MFSD12: variants seen among roughly 807,000 people sequenced by gnomAD.
MFSD12 encodes the protein major facilitator superfamily domain-containing protein 12.
A neutral mutation model predicts 51.2 loss-of-function variants in MFSD12; 67 were observed. The observed-to-expected ratio is 1.31, with a 90% CI of 1.08 to 1.60. The LOEUF is 1.60. Ranked by LOEUF, MFSD12 falls within the 40% of genes most tolerant of loss-of-function variation. MFSD12 has a pLI of 0.00. For missense variants in MFSD12, 921 were observed against 673.0 expected, an observed-to-expected ratio of 1.37 and a Z score of -4.08; for synonymous variants, 441 against 316.7, an observed-to-expected ratio of 1.39 and a Z score of -4.17.
Position 3,544,879 on chromosome 19 carries a change from C to T in MFSD12, c.1350G>A (p.Thr450=), listed in dbSNP as rs373903338. ...GGGCAGCGGCCACGCCCACGCCGCC[C>T]GTCACAGCCACCATCGCCCAGTGGT... ...SFYHWAMVAV[T]GGVGVAAALC... The change falls in exon 9 of 10, where the codon ACG becomes ACA. Residue 450 remains threonine, a synonymous_variant. Transcript: ENST00000355415. 4.0e-5 allele frequency: 65 copies of T among 1,611,696 alleles called. No individual in the cohort carries two copies. The highest frequency in any genetic ancestry group is 2.0e-4 in the East Asian group (9 of 44,858).
rs565980507 is a variant in MFSD12 at position 3,538,662 on chromosome 19, G to A, written c.*100C>T. The A allele has an allele frequency of 2.0e-3, 928 of 472,408 alleles. 6 individuals carry two copies. Among genetic ancestry groups the A allele is most frequent in the African/African-American group, 0.013 (655 of 50,244 alleles). The allele number at this position is 472,408 out of a possible 1,614,324, so 29.3% of individuals were successfully genotyped here. ...CTCGTTCCAGCACGGTGGCGGCGCC[G>A]TGCTGATCCCCTCACCTTCACTGGG... On this transcript the variant is annotated 3_prime_UTR_variant, in exon 5 of 5. Coordinates refer to the MFSD12 transcript ENST00000398558.
Position 3,546,536 on chromosome 19 carries a change from G to A in MFSD12, c.1024-111C>T, listed in dbSNP as rs1374138252. On this transcript the variant is annotated intron_variant, in intron 6 of 9. Coordinates refer to ENST00000355415, the MANE Select transcript of MFSD12 (RefSeq NM_174983.5). ...CAGCAAACAAGGCATGAGCTGGATGGTCCCTAAGGAGCCCTGGCTCTGGCC... is the reference window on the plus strand; with the variant it reads ...CAGCAAACAAGGCATGAGCTGGATGATCCCTAAGGAGCCCTGGCTCTGGCC... 1.5e-5 allele frequency: 19 copies of A among 1,293,406 alleles called. No individual in the cohort carries two copies. In the East Asian group the frequency reaches 2.0e-4, roughly 14 times the overall value. The allele number at this position is 1,293,406 out of a possible 1,614,324, so 80.1% of individuals were successfully genotyped here. A position where few individuals can be genotyped will look rare whatever the true frequency, so the allele number is the denominator to read the frequency against.
chr19:3,550,827 T>A (rs1324736700), intron 2 of MFSD12, among the ~76,000 whole-genome samples, 157 bp downstream of exon 2: 1 of 152,162 alleles, frequency 6.6e-6, no homozygotes, highest in East Asian at 1.9e-4. Context: ...CACTCCAGCC[T>A]GGGCAACAGA....
At position 3,551,107 on chromosome 19, in the gene MFSD12, A is replaced by T. The variant is rs2031451320; in HGVS notation, c.386T>A (p.Leu129His). ...GAATPEWAAL[L>H]YYGPFIVIFQ... ...GATCACGATGAACGGGCCGTAGTAG[A>T]GGAGGGCAGCCCACTCGGGCGTGGC... The change falls in exon 2 of 10, where the codon CTC (leucine) becomes CAC (histidine). Residue 129 changes from leucine to histidine, a missense_variant. Leu to His is a moderately conservative substitution (Grantham distance 99, BLOSUM62 -3). Coordinates refer to ENST00000355415, the MANE Select transcript of MFSD12 (RefSeq NM_174983.5). This position sits in a 1 kb window ranked among gnomAD's most constrained non-coding sequence, Gnocchi z 4.6. 6.2e-7 allele frequency: 1 copy of T among 1,613,040 alleles called. No homozygotes were observed. Among genetic ancestry groups the T allele is most frequent in the Non-Finnish European group, 8.5e-7 (1 of 1,180,010 alleles).
downstream of MFSD12, chr19:3,543,594 C>T (rs1222005323): frequency 1.3e-6 from 2 of 1,544,496 alleles, no homozygotes; most frequent in Non-Finnish European, 1.7e-6. Flanking sequence ...TGGCATGACC[C>T]CATCGTCCCT....
chr19:3,539,490 G>A (rs7253540), downstream of MFSD12: 96,079 of 530,552 alleles, frequency 0.18, 11,103 homozygotes, highest in African/African-American at 0.42. Flanking sequence ...GTCTGCGGCC[G>A]TCTCCAAGGA....
chr19:3,546,065 G>A lies in MFSD12; in HGVS notation c.1289+9C>T, dbSNP rs199645558. 1,396 of 1,612,636 alleles carry A rather than the reference G, an allele frequency of 8.7e-4. 4 individuals are homozygous for A. Among genetic ancestry groups the A allele is most frequent in the African/African-American group, 1.3e-3 (101 of 75,038 alleles). ...ACAAAAGAATGAATGAACGAACAGCGGCACTCACGGGCAAGGGTGCAGGCT... is the reference window on the plus strand; with the variant it reads ...ACAAAAGAATGAATGAACGAACAGCAGCACTCACGGGCAAGGGTGCAGGCT... On this transcript the variant is annotated intron_variant, in intron 8 of 9. Transcript: ENST00000355415.
downstream of MFSD12, chr19:3,539,870 A>G (rs1391513945): frequency 6.6e-6 from 1 of 152,386 alleles, no homozygotes; most frequent in Non-Finnish European, 1.5e-5. Context: ...AGTGTCTATT[A>G]TCAATTGTTT....
At chr19:3,543,617 G>GC (rs937756023), downstream of MFSD12, 2 of 1,544,688 alleles carry the variant, frequency 1.3e-6, no homozygotes, top group Non-Finnish European at 1.7e-6. Flanking sequence ...CCAGTACCAG[G>GC]CCCCCAGCAC....
chr19:3,544,702 G>C lies in MFSD12; in HGVS notation c.*8C>G. 6.3e-7 allele frequency: 1 copy of C among 1,597,814 alleles called. No individual in the cohort carries two copies. The highest frequency in any genetic ancestry group is 8.5e-7 in the Non-Finnish European group (1 of 1,170,644). ...TTCCCTTGCACAGGTGCAGGAGGCT[G>C]TCAGGAGTCAGGGCCGGGCATCACG... is the stretch of plus-strand genomic sequence containing the variant. On this transcript the variant is annotated 3_prime_UTR_variant, in exon 10 of 10. Transcript: ENST00000355415.
rs1031436147 is a variant in MFSD12 at position 3,551,464 on chromosome 19, C to A, written c.299-270G>T. 3.3e-5 allele frequency among the ~76,000 whole-genome samples: 5 copies of A among 152,158 alleles called. No homozygotes were observed. The highest frequency in any genetic ancestry group is 2.0e-4 in the Admixed American group (3 of 15,282). The stretch of plus-strand genomic sequence containing the variant: ...AGGGGGTCCCCCGGAAACCTGCCCC[C>A]CACAGGTGCCCCGGTTACAGCCGCA... On this transcript the variant is annotated intron_variant, in intron 1 of 9. Transcript: ENST00000355415. The surrounding 1 kb of genome is among the most constrained non-coding windows in gnomAD (Gnocchi z 4.6).
intron 8 of MFSD12, 48 bp from the exon 9 acceptor site, chr19:3,544,987 C>G: frequency 6.5e-7 from 1 of 1,548,826 alleles, no homozygotes; most frequent in Non-Finnish European, 8.7e-7. Context: ...TACCACCCCC[C>G]CGCCACCCAA....
downstream of MFSD12, chr19:3,542,589 T>G (rs1223218250): frequency 1.3e-6 from 1 of 761,596 alleles, no homozygotes; most frequent in Non-Finnish European, 1.6e-6. Flanking sequence ...TTCTCCTGCC[T>G]CAGCCTCCTG....
intron 1 of MFSD12, among the ~76,000 whole-genome samples, chr19:3,554,755 G>A (rs954293983): frequency 2.6e-5 from 4 of 152,212 alleles, no homozygotes; most frequent in African/African-American, 9.6e-5. Context: ...GGGATTGTGG[G>A]GGAGCTCCCC....
intron 2 of MFSD12, among the ~76,000 whole-genome samples, chr19:3,550,777 C>G (rs1338959430): frequency 1.3e-5 from 2 of 151,858 alleles, no homozygotes; most frequent in African/African-American, 2.4e-5. Context: ...CACTTGAGCC[C>G]AGGAGGTTGA....
rs534690991 is a variant in MFSD12, at chr19:3,538,668, A to T, written c.*94T>A. ...CCAGCACGGTGGCGGCGCCGTGCTG[A>T]TCCCCTCACCTTCACTGGGTGTTCG... On this transcript the variant is annotated 3_prime_UTR_variant, in exon 5 of 5. Transcript: ENST00000398558. The T allele has an allele frequency of 7.9e-5, 32 of 404,204 alleles. No individual in the cohort carries two copies. In the African/African-American group the frequency reaches 9.6e-4, roughly 12 times the overall value. 25.0% of individuals were successfully genotyped at this position (404,204 alleles called of 1,614,324 possible). A position where few individuals can be genotyped will look rare whatever the true frequency, so the allele number is the denominator to read the frequency against.
intron 1 of MFSD12, among the ~76,000 whole-genome samples, chr19:3,553,728 C>CAAAAAAAAAAAAAAAAA: frequency 1.6e-5 from 1 of 61,332 alleles, no homozygotes. Context: ...CTCCATCTCT[C>CAAAAAAAAAAAAAAAAA]AAAAAAAAAA....
rs1434253155 is a variant in MFSD12, at chr19:3,546,165, T to G, written c.1198A>C (p.Ser400Arg). The part of the protein sequence containing the change: ...TADLIGPHTN[S>R]GAFVYGSMSF... ...ATGGAGCCGTACACGAACGCTCCGC[T>G]GTTCTGTGGAGACACAGGCGAGGTG... is the stretch of plus-strand genomic sequence containing the variant. Residue 400 changes from serine to arginine, a missense_variant, in exon 8 of 10, where the codon AGC becomes CGC. Coordinates refer to ENST00000355415, the MANE Select transcript of MFSD12 (RefSeq NM_174983.5). 5.6e-6 allele frequency: 9 copies of G among 1,612,828 alleles called. No individual in the cohort carries two copies.
At chr19:3,545,880 C>T (rs1233119377) in intron 8 of MFSD12, among the ~76,000 whole-genome samples, 194 bp downstream of exon 8, 1 of 152,174 alleles carries the variant, frequency 6.6e-6, no homozygotes, top group African/African-American at 2.4e-5. Flanking sequence ...CACATGGACC[C>T]AACGTTTGTT....
Sources: gnomAD v4.1 joint callset for allele counts (sites outside exome capture counted in the v4.1 genomes callset) on GRCh38, gnomAD v4.1.1 for gene constraint, Gnocchi (gnomAD v3.1) non-coding constraint, MANE v1.5 for transcripts, NCBI Gene and HGNC (gene_info 2026-07-23, HGNC 2026-07-21) for gene names.